Variants in DLC1 observed in about 807,000 individuals in gnomAD.
DLC1 encodes rho GTPase-activating protein 7.
In DLC1, 54 loss-of-function variants were observed where a neutral mutation model predicts 140.3. That is an observed-to-expected ratio of 0.38 (90% CI 0.31 to 0.48). DLC1 has a LOEUF of 0.48. Ranked by LOEUF, DLC1 falls within the 20% of genes least tolerant of loss-of-function variation. The probability of loss-of-function intolerance (pLI) is 0.96; values close to 1 mark genes in which losing one functional copy is unlikely to be tolerated. For missense variants in DLC1, 2,536 were observed against 1,907.0 expected, an observed-to-expected ratio of 1.33 and a Z score of -6.14; for synonymous variants, 986 against 728.1, an observed-to-expected ratio of 1.35 and a Z score of -5.70.
rs796431301 is a variant in DLC1 at position 13,096,300 on chromosome 8, G to A, written c.3168-1055C>T. Among the ~76,000 whole-genome samples, 4 of 152,122 alleles carry A rather than the reference G, an allele frequency of 2.6e-5. No individual in the cohort carries two copies. The East Asian group carries it at 7.7e-4, about 29-fold the overall frequency. On this transcript the variant is annotated intron_variant, in intron 10 of 17. Transcript: ENST00000276297. Reference sequence around the variant, plus strand: ...ATGGGGGTGGGCCACTCCGAAATGAGAATCTAAAATATGCAGTTTTAAATA... The same window carrying A: ...ATGGGGGTGGGCCACTCCGAAATGAAAATCTAAAATATGCAGTTTTAAATA...
intron 5 of DLC1, chr8:13,133,296 C>A: frequency 1.6e-6 from 2 of 1,258,462 alleles, no homozygotes; most frequent in Non-Finnish European, 2.0e-6. Context: ...AACTGTCTCC[C>A]GCGCGCTCCG....
At chr8:13,519,086 C>T (rs559970626), upstream of DLC1, among the ~76,000 whole-genome samples, 1 of 151,618 alleles carries the variant, frequency 6.6e-6, no homozygotes, top group Non-Finnish European at 1.5e-5. Flanking sequence ...TGGTGTGCTG[C>T]CCCCATCAAC....
At chr8:13,566,718 GA>G in intron 1 of DLC1, 1 of 457,118 alleles carries the variant, frequency 2.2e-6, no homozygotes, top group Non-Finnish European at 3.9e-6. Context: ...CAGGAGTGCA[GA>G]AGACAGGGCA....
chr8:13,467,564 C>G (rs143649432), intron 2 of DLC1, among the ~76,000 whole-genome samples: 1 of 151,948 alleles, frequency 6.6e-6, no homozygotes, highest in African/African-American at 2.4e-5. Flanking sequence ...CATAGAGAGA[C>G]CCTGTCTTTA....
chr8:13,128,899 ATT>A (rs1201358012), intron 5 of DLC1, among the ~76,000 whole-genome samples: 3 of 152,240 alleles, frequency 2.0e-5, no homozygotes, highest in African/African-American at 7.2e-5. Flanking sequence ...CCTGTTCTCC[ATT>A]AATTATGATG....
At chr8:13,162,474 C>G (rs772643432) in intron 5 of DLC1, among the ~76,000 whole-genome samples, 1 of 152,136 alleles carries the variant, frequency 6.6e-6, no homozygotes, top group Non-Finnish European at 1.5e-5. Flanking sequence ...AGGTGCCTGC[C>G]ACCAAACCCG....
rs71207134 is a variant in DLC1, at chr8:13,233,293, T to TAAAAAAAAAAAA, written c.1348+71964_1348+71975dup. Among the ~76,000 whole-genome samples the TAAAAAAAAAAAA allele has an allele frequency of 2.8e-4, 20 of 70,404 alleles. 1 individual carries two copies. Among genetic ancestry groups the TAAAAAAAAAAAA allele is most frequent in the African/African-American group, 1.0e-3 (18 of 17,322 alleles). The allele number at this position is 70,404 out of a possible 152,430, so 46.2% of individuals were successfully genotyped here. ...CTGGGCGATAGAATAAGACTCTGTA[T>TAAAAAAAAAAAA]AAAAAAAAAAAAAAAAAAAAAAAAA... On this transcript the variant is annotated intron_variant, in intron 5 of 17. Transcript: ENST00000276297.
intron 2 of DLC1, among the ~76,000 whole-genome samples, chr8:13,411,651 G>T (rs1240764114): frequency 6.6e-6 from 1 of 152,040 alleles, no homozygotes; most frequent in Non-Finnish European, 1.5e-5. Flanking sequence ...AAAACATTCT[G>T]TACCTTCCAC....
At chr8:13,121,129 G>C (rs1821022602) in intron 5 of DLC1, among the ~76,000 whole-genome samples, 1 of 152,150 alleles carries the variant, frequency 6.6e-6, no homozygotes, top group African/African-American at 2.4e-5. Context: ...AGGAATGTAA[G>C]AAAATTCAAG....
chr8:13,465,982 T>C (rs1799913800), intron 2 of DLC1, among the ~76,000 whole-genome samples: 1 of 152,244 alleles, frequency 6.6e-6, no homozygotes, highest in Admixed American at 6.5e-5. Context: ...TTATACAGAT[T>C]ATACAACCAC....
At chr8:13,315,638 C>T (rs1483685634) in intron 4 of DLC1, among the ~76,000 whole-genome samples, 1 of 152,160 alleles carries the variant, frequency 6.6e-6, no homozygotes, top group African/African-American at 2.4e-5. Context: ...AACTCAATTT[C>T]TTCTATTCCA....
chr8:13,340,948 T>C (rs1178986374), intron 4 of DLC1: 1 of 152,222 alleles, frequency 6.6e-6, no homozygotes, highest in Non-Finnish European at 1.5e-5. Context: ...TACCAGCGTC[T>C]AACTCGGCTG....
Position 13,297,282 on chromosome 8 carries a change from T to TAAAAA in DLC1, c.1348+7982_1348+7986dup, listed in dbSNP as rs60048506. Among the ~76,000 whole-genome samples, 73 of 9,636 alleles carry TAAAAA rather than the reference T, an allele frequency of 7.6e-3. 22 individuals are homozygous for TAAAAA. The highest frequency in any genetic ancestry group is 0.011 in the Non-Finnish European group (63 of 5,556). The allele number at this position is 9,636 out of a possible 152,430, so 6.3% of individuals were successfully genotyped here. A position where few individuals can be genotyped will look rare whatever the true frequency, so the allele number is the denominator to read the frequency against. On this transcript the variant is annotated intron_variant, in intron 5 of 17. Coordinates refer to ENST00000276297, the MANE Select transcript of DLC1 (RefSeq NM_182643.3). ...CAGGCAAGCAGAGGCCTTCATACATTAAAAAAAAAAAAAACTGAAGCAAGT... is the reference window on the plus strand; with the variant it reads ...CAGGCAAGCAGAGGCCTTCATACATTAAAAAAAAAAAAAAAAAAACTGAAGCAAGT...
intron 5 of DLC1, among the ~76,000 whole-genome samples, chr8:13,128,377 C>T (rs919825072): frequency 5.9e-5 from 9 of 152,154 alleles, no homozygotes; most frequent in African/African-American, 1.2e-4. Flanking sequence ...TCACTAGACT[C>T]CCCCCATGGA....
At chr8:13,413,635 G>C (rs1837910684) in intron 2 of DLC1, among the ~76,000 whole-genome samples, 1 of 151,964 alleles carries the variant, frequency 6.6e-6, no homozygotes, top group African/African-American at 2.4e-5. Flanking sequence ...TTGGATCATG[G>C]AGGAGGTTCC....
chr8:13,276,517 C>T, intron 5 of DLC1: 2 of 1,302,338 alleles, frequency 1.5e-6, no homozygotes, highest in Non-Finnish European at 1.9e-6. Flanking sequence ...GGCATTGCGG[C>T]TGGCACTGCG....
chr8:13,461,511 C>T (rs1445612545), intron 2 of DLC1, among the ~76,000 whole-genome samples: 2 of 152,170 alleles, frequency 1.3e-5, no homozygotes, highest in African/African-American at 4.8e-5. Flanking sequence ...CTATCAACTT[C>T]CATCAGACAA....
intron 2 of DLC1, among the ~76,000 whole-genome samples, chr8:13,498,381 C>A (rs1801612287): frequency 6.6e-6 from 1 of 152,154 alleles, no homozygotes; most frequent in Admixed American, 6.5e-5. Context: ...AGGATGGCAT[C>A]TTTAGAATTA....
intron 5 of DLC1, among the ~76,000 whole-genome samples, chr8:13,294,087 A>T (rs1207762956): frequency 6.6e-6 from 1 of 151,790 alleles, no homozygotes; most frequent in Non-Finnish European, 1.5e-5. Flanking sequence ...TATGCGGAAA[A>T]CCCCCTGTGC....
Sources: gnomAD v4.1 joint callset for allele counts (sites outside exome capture counted in the v4.1 genomes callset) on GRCh38, gnomAD v4.1.1 for gene constraint, MANE v1.5 for transcripts, NCBI Gene and HGNC (gene_info 2026-07-23, HGNC 2026-07-21) for gene names.